FBXL19: variants seen among roughly 807,000 people sequenced by gnomAD.
The protein encoded by FBXL19 is F-box/LRR-repeat protein 19.
FBXL19 carries 16 observed loss-of-function variants against 71.2 expected under a neutral mutation model. The observed-to-expected ratio is 0.22, with a 90% CI of 0.15 to 0.34. FBXL19 has a LOEUF of 0.34. Ranked by LOEUF, FBXL19 falls within the 10% of genes least tolerant of loss-of-function variation. The pLI is 1.00. For synonymous variants in FBXL19, 447 were observed against 409.4 expected (o/e 1.09, Z -1.11); for missense variants, 658 against 968.2 (o/e 0.68, Z 4.25).
In FBXL19 at chr16:30,925,960, GCCCA is replaced by G; in HGVS notation, c.177+33_177+36del. 2 of 1,461,760 alleles carry G rather than the reference GCCCA, an allele frequency of 1.4e-6. No homozygotes were observed. The highest frequency in any genetic ancestry group is 1.8e-6 in the Non-Finnish European group (2 of 1,110,464). 90.5% of individuals were successfully genotyped at this position (1,461,760 alleles called of 1,614,324 possible). A position where few individuals can be genotyped will look rare whatever the true frequency, so the allele number is the denominator to read the frequency against. On this transcript the variant is annotated intron_variant, in intron 2 of 10. Transcript: ENST00000338343. This position sits in a 1 kb window ranked among gnomAD's most constrained non-coding sequence, Gnocchi z 5.0. ...AGTTCTGCCCCCACCTTTGGGCTCT[GCCCA>G]CCCTTCCCAATACCTTCTTGGAATG...
chr16:30,923,204 AG>A (rs1470932225), upstream of FBXL19: 19 of 456,446 alleles, frequency 4.2e-5, no homozygotes, highest in Admixed American at 4.5e-4. Flanking sequence ...GTGCCTGGGA[AG>A]GAGGTCGGGT....
rs540375924 is a variant in FBXL19, at chr16:30,925,238, G to T, written c.-24-493G>T. ...GTGGATGAAAAGGTTGGTGGGGCGG[G>T]GGGGAGGAAAAGTCCGGAGCTTCCG... On this transcript the variant is annotated intron_variant, in intron 1 of 10. Transcript: ENST00000338343. This position sits in a 1 kb window ranked among gnomAD's most constrained non-coding sequence, Gnocchi z 5.0. Among the ~76,000 whole-genome samples, 5 of 152,068 alleles carry T rather than the reference G, an allele frequency of 3.3e-5. No individual in the cohort carries two copies. Among genetic ancestry groups the T allele is most frequent in the Non-Finnish European group, 7.4e-5 (5 of 67,992 alleles).
At chr16:30,943,298 C>G (rs1249385175) in intron 9 of FBXL19, among the ~76,000 whole-genome samples, 1 of 152,034 alleles carries the variant, frequency 6.6e-6, no homozygotes, top group Non-Finnish European at 1.5e-5. Flanking sequence ...AAGTGATCCT[C>G]CCCACCTCAG....
chr16:30,924,758 G>A, intron 1 of FBXL19: 1 of 1,488,634 alleles, frequency 6.7e-7, no homozygotes, highest in Non-Finnish European at 8.9e-7. Context: ...CCCGGAAAGG[G>A]GGAATCTGGG....
At position 30,946,197 on chromosome 16, in the gene FBXL19, TTTTATTTA is replaced by T. The variant is rs756430489; in HGVS notation, c.1628-517_1628-510del. On this transcript the variant is annotated intron_variant, in intron 9 of 10. Transcript: ENST00000338343. The surrounding 1 kb of genome is among the most constrained non-coding windows in gnomAD (Gnocchi z 6.7). ...AGAGAGGAGGGGAGGTCACAGACTC[TTTTATTTA>T]TTTATTTATTTATTTTGAGATGGAG... Among the ~76,000 whole-genome samples the T allele has an allele frequency of 2.0e-5, 3 of 152,040 alleles. No homozygotes were observed. The East Asian group carries it at 5.8e-4, about 29-fold the overall frequency.
chr16:30,937,281 T>A (rs988184580), intron 7 of FBXL19, among the ~76,000 whole-genome samples: 5 of 151,876 alleles, frequency 3.3e-5, no homozygotes, highest in Admixed American at 2.6e-4. Context: ...TGGACACAGG[T>A]TCTTGCCCAT....
At chr16:30,936,601 C>CTTTTTTTTTT (rs547272418) in intron 7 of FBXL19, among the ~76,000 whole-genome samples, 46 of 118,148 alleles carry the variant, frequency 3.9e-4, no homozygotes, top group African/African-American at 4.6e-4. Flanking sequence ...AATTTTTTTT[C>CTTTTTTTTTT]TTTTTTTTTT....
At chr16:30,926,532 C>T (rs537981320) in intron 2 of FBXL19, among the ~76,000 whole-genome samples, 33 of 152,204 alleles carry the variant, frequency 2.2e-4, no homozygotes, top group African/African-American at 7.0e-4. Context: ...TCCCTGGGCT[C>T]CAGAGCACGG....
At position 30,942,490 on chromosome 16, in the gene FBXL19, C is replaced by T; in HGVS notation, c.1581C>T (p.Asp527=). ...TCCGCTGGATCGAGGATGTTAAAGACTCCCAGCTCCGGGAGTTGCTGCTGC... is the reference window on the plus strand; with the variant it reads ...TCCGCTGGATCGAGGATGTTAAAGATTCCCAGCTCCGGGAGTTGCTGCTGC... ...LDLRWIEDVK[D]SQLRELLLPP... The change falls in exon 9 of 11, where the codon GAC becomes GAT. Residue 527 remains aspartate (D), a synonymous_variant. Transcript: ENST00000338343. The surrounding 1 kb of genome is among the most constrained non-coding windows in gnomAD (Gnocchi z 5.7). The T allele has an allele frequency of 6.3e-7, 1 of 1,597,544 alleles. No homozygotes were observed. Among genetic ancestry groups the T allele is most frequent in the Non-Finnish European group, 8.5e-7 (1 of 1,172,412 alleles).
intron 9 of FBXL19, among the ~76,000 whole-genome samples, chr16:30,943,099 A>C (rs1163001052): frequency 6.6e-6 from 1 of 152,236 alleles, no homozygotes; most frequent in African/African-American, 2.4e-5. Flanking sequence ...TTGAATGAAT[A>C]ACTTGAATGA....
At position 30,942,014 on chromosome 16, in the gene FBXL19, C is replaced by T. The variant is rs555715589; in HGVS notation, c.1302-102C>T. 3.7e-5 allele frequency: 49 copies of T among 1,318,646 alleles called. No homozygotes were observed. The South Asian group carries it at 7.5e-4, about 20-fold the overall frequency. The allele number at this position is 1,318,646 out of a possible 1,614,324, so 81.7% of individuals were successfully genotyped here. ...CTTGCTACCCTGTTGTCTGTGTGGC[C>T]AGAAGAGAGCTGGGGTGCACCCTTG... On this transcript the variant is annotated intron_variant, in intron 7 of 10. Coordinates refer to ENST00000338343, the MANE Select transcript of FBXL19 (RefSeq NM_001382779.1). The surrounding 1 kb of genome is among the most constrained non-coding windows in gnomAD (Gnocchi z 5.7).
In FBXL19 at chr16:30,947,447, T is replaced by C; in HGVS notation, c.*217T>C. The C allele has an allele frequency of 1.8e-6, 1 of 567,494 alleles. No homozygotes were observed. Among genetic ancestry groups the C allele is most frequent in the Non-Finnish European group, 3.1e-6 (1 of 318,106 alleles). 35.2% of individuals were successfully genotyped at this position (567,494 alleles called of 1,614,324 possible). On this transcript the variant is annotated 3_prime_UTR_variant, in exon 11 of 11. Coordinates refer to ENST00000338343, the MANE Select transcript of FBXL19 (RefSeq NM_001382779.1). ...TCTCCTTCCTATGTCCTGCCCCTGC[T>C]ACCTGCTTCATTGTCCATCCCCTGG...
chr16:30,926,593 C>G (rs1036207998), intron 2 of FBXL19, among the ~76,000 whole-genome samples: 24 of 152,106 alleles, frequency 1.6e-4, no homozygotes, highest in Admixed American at 5.2e-4. Context: ...TCCCCCTCCC[C>G]ACTCTGCCAC....
At chr16:30,923,140 C>G (rs753147340), upstream of FBXL19, 3 of 456,562 alleles carry the variant, frequency 6.6e-6, no homozygotes, top group Non-Finnish European at 1.3e-5. Context: ...AGATGGACTG[C>G]GACTCCCGTC....
In FBXL19 at chr16:30,923,885, C is replaced by G. The variant is rs1382594797; in HGVS notation, c.-599C>G. On this transcript the variant is annotated 5_prime_UTR_variant, in exon 1 of 11. Coordinates refer to ENST00000338343, the MANE Select transcript of FBXL19 (RefSeq NM_001382779.1). ...CCTCCCCCTCCGCTCGCCTCGCAGC[C>G]GTAGGGCAGGGGGTCGCAGTCCAGG... Among the ~76,000 whole-genome samples the G allele has an allele frequency of 2.0e-5, 3 of 148,258 alleles. No individual in the cohort carries two copies. The highest frequency in any genetic ancestry group is 4.5e-5 in the Non-Finnish European group (3 of 66,758).
At chr16:30,936,534 T>C (rs1456845881) in intron 7 of FBXL19, among the ~76,000 whole-genome samples, 12 of 149,254 alleles carry the variant, frequency 8.0e-5, no homozygotes, top group Admixed American at 8.0e-4. Context: ...CACGCCATTC[T>C]CCTGCCTCAG....
At chr16:30,936,779 G>A (rs1025233377) in intron 7 of FBXL19, among the ~76,000 whole-genome samples, 8 of 138,976 alleles carry the variant, frequency 5.8e-5, no homozygotes, top group Non-Finnish European at 1.2e-4. Context: ...GTCTGACTCT[G>A]TTACCCAGGC....
At chr16:30,937,387 C>T (rs1038212871) in intron 7 of FBXL19, among the ~76,000 whole-genome samples, 1 of 152,060 alleles carries the variant, frequency 6.6e-6, no homozygotes, top group African/African-American at 2.4e-5. Context: ...GAGGCTCCCC[C>T]ACCCAGTCCT....
In FBXL19 at chr16:30,925,974, A is replaced by G. The variant is rs375797326; in HGVS notation, c.177+43A>G. ...CTTTGGGCTCTGCCCACCCTTCCCA[A>G]TACCTTCTTGGAATGGCTGGTGACT... On this transcript the variant is annotated intron_variant, in intron 2 of 10. Transcript: ENST00000338343. The surrounding 1 kb of genome is among the most constrained non-coding windows in gnomAD (Gnocchi z 5.0). 39 of 1,443,158 alleles carry G rather than the reference A, an allele frequency of 2.7e-5. No homozygotes were observed. The highest frequency in any genetic ancestry group is 2.3e-4 in the South Asian group (15 of 65,680). 89.4% of individuals were successfully genotyped at this position (1,443,158 alleles called of 1,614,324 possible).
Sources: gnomAD v4.1 joint callset for allele counts (sites outside exome capture counted in the v4.1 genomes callset) on GRCh38, gnomAD v4.1.1 for gene constraint, Gnocchi (gnomAD v3.1) non-coding constraint, MANE v1.5 for transcripts, NCBI Gene and HGNC (gene_info 2026-07-23, HGNC 2026-07-21) for gene names.